WDR7: variants seen among roughly 807,000 people sequenced by gnomAD.
WDR7 encodes the protein WD repeat domain 7, also known as WD repeat-containing protein 7.
In WDR7, 46 loss-of-function variants were observed where a neutral mutation model predicts 169.4. That is an observed-to-expected ratio of 0.27 (90% CI 0.21 to 0.35). The LOEUF is 0.35. Among genes scored for constraint, WDR7 ranks in the 10% least tolerant of loss-of-function variants. WDR7 has a pLI of 1.00. For missense variants in WDR7, 1,534 were observed against 1,859.3 expected, an observed-to-expected ratio of 0.83 and a Z score of 3.22; for synonymous variants, 612 against 666.8, an observed-to-expected ratio of 0.92 and a Z score of 1.27.
At chr18:56,738,441 C>T (rs7232077) in intron 14 of WDR7, among the ~76,000 whole-genome samples, 86,933 of 151,888 alleles carry the variant, frequency 0.57, 26,694 homozygotes, top group East Asian at 0.78. Context: ...ACCTGTGGTC[C>T]CAGCTGCTCT....
At position 56,773,938 on chromosome 18, in the gene WDR7, C is replaced by T. The variant is rs1016423624; in HGVS notation, c.2849-2844C>T. On this transcript the variant is annotated intron_variant, in intron 16 of 27. Coordinates refer to ENST00000254442, the MANE Select transcript of WDR7 (RefSeq NM_015285.3). The stretch of plus-strand genomic sequence containing the variant: ...CCCTCACCCACCCTCCCCATAACAT[C>T]GTGATTACCATGAAATACTTTAAAA... 4.6e-5 allele frequency among the ~76,000 whole-genome samples: 7 copies of T among 150,556 alleles called. 1 individual carries two copies. In the East Asian group the frequency reaches 6.0e-4, roughly 13 times the overall value.
intron 26 of WDR7, among the ~76,000 whole-genome samples, chr18:56,965,789 A>T (rs900069902): frequency 3.3e-5 from 5 of 152,132 alleles, no homozygotes; most frequent in African/African-American, 1.2e-4. Flanking sequence ...CAACTAATTT[A>T]AAAGTGATTT....
At chr18:56,992,608 C>T (rs189339445) in intron 26 of WDR7, among the ~76,000 whole-genome samples, 2 of 152,138 alleles carry the variant, frequency 1.3e-5, no homozygotes, top group African/African-American at 2.4e-5. Context: ...TAGGGCCACA[C>T]GGAACATATA....
intron 26 of WDR7, among the ~76,000 whole-genome samples, chr18:57,010,744 C>T (rs1435693729): frequency 1.3e-5 from 2 of 152,004 alleles, no homozygotes; most frequent in Admixed American, 1.3e-4. Context: ...ATCAGAAGAA[C>T]AGGGAAGAGC....
intron 19 of WDR7, among the ~76,000 whole-genome samples, chr18:56,794,815 A>T (rs2044555930): frequency 1.3e-5 from 2 of 152,158 alleles, no homozygotes; most frequent in Non-Finnish European, 2.9e-5. Flanking sequence ...TATTTCTTTT[A>T]ATCTATAGAG....
intron 12 of WDR7, among the ~76,000 whole-genome samples, chr18:56,707,213 C>A (rs1199701427): frequency 6.6e-6 from 1 of 152,146 alleles, no homozygotes; most frequent in East Asian, 1.9e-4. Flanking sequence ...AAACTCCTGA[C>A]ATCAAATGAT....
chr18:56,771,629 C>T (rs1266674433), intron 16 of WDR7, among the ~76,000 whole-genome samples: 1 of 142,668 alleles, frequency 7.0e-6, no homozygotes, highest in Non-Finnish European at 1.5e-5. Context: ...TGCCTGTAAT[C>T]CTGGCACTTT....
chr18:56,700,655 C>T (rs1305618928), intron 12 of WDR7, among the ~76,000 whole-genome samples: 2 of 149,800 alleles, frequency 1.3e-5, no homozygotes, highest in African/African-American at 2.5e-5. Context: ...CTGCAAGCTC[C>T]GCCTCCCGGG....
At chr18:56,900,082 G>GTGTATATATATA (rs1409730889) in intron 21 of WDR7, among the ~76,000 whole-genome samples, 35 of 32,052 alleles carry the variant, frequency 1.1e-3, no homozygotes, top group African/African-American at 2.2e-3. Context: ...GTGTGTGTGT[G>GTGTATATATATA]TATATATATA....
At chr18:56,757,852 C>T (rs2043920050) in intron 15 of WDR7, among the ~76,000 whole-genome samples, 1 of 151,804 alleles carries the variant, frequency 6.6e-6, no homozygotes, top group African/African-American at 2.4e-5. Flanking sequence ...GCATGTAGTC[C>T]CAGCTACTTG....
chr18:56,839,823 A>C (rs1446732179), intron 20 of WDR7, among the ~76,000 whole-genome samples: 2 of 152,130 alleles, frequency 1.3e-5, no homozygotes, highest in African/African-American at 4.8e-5. Flanking sequence ...AGCATTTTGC[A>C]AGGCTGAGGC....
chr18:56,956,756 A>T (rs1023962696), intron 25 of WDR7, among the ~76,000 whole-genome samples: 1 of 152,146 alleles, frequency 6.6e-6, no homozygotes, highest in Admixed American at 6.6e-5. Context: ...GAATAAAGGG[A>T]TGCAACATGC....
rs79986236 is a variant in WDR7, at chr18:56,994,709, C to T, written c.4165-26036C>T. The stretch of plus-strand genomic sequence containing the variant: ...ATCCTATCTTGGTAAACCATCTATC[C>T]ATGAACTATACCCTGTAGTGATCAT... On this transcript the variant is annotated intron_variant, in intron 26 of 27. Coordinates refer to ENST00000254442, the MANE Select transcript of WDR7 (RefSeq NM_015285.3). Among the ~76,000 whole-genome samples, 40 of 152,276 alleles carry T rather than the reference C, an allele frequency of 2.6e-4. No homozygotes were observed. The East Asian group carries it at 6.8e-3, about 26-fold the overall frequency.
intron 19 of WDR7, among the ~76,000 whole-genome samples, chr18:56,798,277 A>G (rs1453907240): frequency 1.3e-5 from 2 of 152,174 alleles, no homozygotes; most frequent in African/African-American, 4.8e-5. Context: ...GTTGACTTTC[A>G]TGTGATTCTT....
Position 57,026,911 on chromosome 18 carries a change from G to A in WDR7, c.4270-93G>A, listed in dbSNP as rs940482900. 4 of 1,293,964 alleles carry A rather than the reference G, an allele frequency of 3.1e-6. No individual in the cohort carries two copies. In the African/African-American group the frequency reaches 4.4e-5, roughly 14 times the overall value. The allele number at this position is 1,293,964 out of a possible 1,614,324, so 80.2% of individuals were successfully genotyped here. ...GGTGAAGGAGAATAACCATGATGGA[G>A]GGGAAAGTAGCCAGGAGAGATCGAC... On this transcript the variant is annotated intron_variant, in intron 27 of 27. Coordinates refer to ENST00000254442, the MANE Select transcript of WDR7 (RefSeq NM_015285.3).
chr18:56,739,077 T>C (rs1300366065), intron 14 of WDR7, among the ~76,000 whole-genome samples: 1 of 151,994 alleles, frequency 6.6e-6, no homozygotes, highest in Non-Finnish European at 1.5e-5. Context: ...TTGACTATTA[T>C]GGCCACTGCT....
At chr18:56,837,710 A>G (rs886948634) in intron 20 of WDR7, among the ~76,000 whole-genome samples, 4 of 152,038 alleles carry the variant, frequency 2.6e-5, no homozygotes, top group African/African-American at 9.7e-5. Flanking sequence ...CCCAGGTTGG[A>G]GTGCAATATG....
intron 19 of WDR7, among the ~76,000 whole-genome samples, chr18:56,797,941 T>A (rs2044611914): frequency 6.6e-6 from 1 of 152,218 alleles, no homozygotes; most frequent in African/African-American, 2.4e-5. Flanking sequence ...CATCTTTACC[T>A]GTAAATATTC....
chr18:56,751,931 T>C (rs1276544162), intron 14 of WDR7, among the ~76,000 whole-genome samples: 1 of 152,240 alleles, frequency 6.6e-6, no homozygotes, highest in Non-Finnish European at 1.5e-5. Context: ...TCTTCCCTCA[T>C]CTGGATGGTT....
Sources: allele counts gnomAD v4.1 joint callset (sites outside exome capture counted in the v4.1 genomes callset), GRCh38; gene constraint gnomAD v4.1.1; transcripts MANE v1.5; gene names NCBI Gene and HGNC (gene_info 2026-07-23, HGNC 2026-07-21).